XIRP2: variants seen among roughly 807,000 people sequenced by gnomAD.
XIRP2 encodes xin actin binding repeat containing 2, also known as xin actin-binding repeat-containing protein 2.
XIRP2 carries 236 observed loss-of-function variants against 277.0 expected under a neutral mutation model. That is an observed-to-expected ratio of 0.85 (90% CI 0.77 to 0.95). XIRP2 has a LOEUF of 0.95. Ranked by LOEUF, XIRP2 falls within the 40% of genes least tolerant of loss-of-function variation. The pLI, the probability that XIRP2 is intolerant of heterozygous loss-of-function variation, is 0.00. For synonymous variants in XIRP2, 1,490 were observed against 1,416.5 expected (o/e 1.05, Z -1.17); for missense variants, 4,640 against 4,157.5 (o/e 1.12, Z -3.19).
chr2:167,202,303 C>T (rs1013558554), intron 3 of XIRP2, among the ~76,000 whole-genome samples: 8 of 152,112 alleles, frequency 5.3e-5, no homozygotes, highest in Non-Finnish European at 1.0e-4. Context: ...ATTAGATTTT[C>T]GTATATGCCC....
intron 3 of XIRP2, among the ~76,000 whole-genome samples, chr2:167,189,945 G>T (rs907695330): frequency 6.6e-6 from 1 of 152,140 alleles, no homozygotes; most frequent in Non-Finnish European, 1.5e-5. Context: ...TAGTGATTAA[G>T]GGGTCCCCAC....
chr2:167,198,863 T>C (rs1285782982), intron 3 of XIRP2, among the ~76,000 whole-genome samples: 2 of 152,198 alleles, frequency 1.3e-5, no homozygotes, highest in Non-Finnish European at 2.9e-5. Context: ...ATTCTATCAG[T>C]CATTAAGTTC....
At chr2:166,908,175 T>C (rs2105341955) in intron 2 of XIRP2, among the ~76,000 whole-genome samples, 1 of 152,304 alleles carries the variant, frequency 6.6e-6, no homozygotes, top group South Asian at 2.1e-4. Flanking sequence ...TTCTAGATCC[T>C]TGAGGAATTG....
chr2:167,213,260 T>A (rs748970999), intron 4 of XIRP2, among the ~76,000 whole-genome samples: 8 of 152,162 alleles, frequency 5.3e-5, no homozygotes, highest in Non-Finnish European at 1.2e-4. Flanking sequence ...TCCCTTTACC[T>A]TTTTTAATAC....
At position 167,243,079 on chromosome 2, in the gene XIRP2, T is replaced by C; in HGVS notation, c.1687T>C (p.Tyr563His). ...AAAAGATCTGAACTCAGAAAGAGAA[T>C]ACTTGGAATGGGATGAAATTCTGAA... ...SQKDLNSERE[Y>H]LEWDEILKGE... Residue 563 changes from tyrosine to histidine, a missense_variant, in exon 9 of 11, where the codon TAC becomes CAC. Transcript: ENST00000409195. The C allele has an allele frequency of 6.2e-7, 1 of 1,614,066 alleles. No individual in the cohort carries two copies. Among genetic ancestry groups the C allele is most frequent in the Non-Finnish European group, 8.5e-7 (1 of 1,179,968 alleles).
intron 10 of XIRP2, among the ~76,000 whole-genome samples, chr2:167,256,669 C>T (rs1048705085): frequency 6.6e-6 from 1 of 151,700 alleles, no homozygotes; most frequent in South Asian, 2.1e-4. Flanking sequence ...ATATTATTTA[C>T]CTTGGTACAT....
intron 10 of XIRP2, among the ~76,000 whole-genome samples, chr2:167,255,543 C>T (rs533244943): frequency 6.1e-4 from 92 of 151,944 alleles, no homozygotes; most frequent in African/African-American, 2.2e-3. Context: ...ATTCCCATAG[C>T]AAGTATCATC....
intron 2 of XIRP2, among the ~76,000 whole-genome samples, chr2:166,988,414 A>C (rs1687072351): frequency 6.6e-6 from 1 of 152,108 alleles, no homozygotes; most frequent in Admixed American, 6.6e-5. Context: ...TCTGAATTTG[A>C]TCCTGGGCCA....
At chr2:166,944,124 T>C (rs558762816) in intron 2 of XIRP2, among the ~76,000 whole-genome samples, 1 of 152,316 alleles carries the variant, frequency 6.6e-6, no homozygotes, top group African/African-American at 2.4e-5. Flanking sequence ...CTAAGCCAGA[T>C]GTTTGTCTTT....
In XIRP2 at chr2:167,131,849, T is replaced by A. The variant is rs556364740; in HGVS notation, c.409-4060T>A. 3.3e-5 allele frequency among the ~76,000 whole-genome samples: 5 copies of A among 152,312 alleles called. No homozygotes were observed. The South Asian group carries it at 6.2e-4, about 19-fold the overall frequency. The stretch of plus-strand genomic sequence containing the variant: ...CAGGGCTACACATCCAACTGCCTTT[T>A]GGACATCTTGCTACCCAACTCATGA... On this transcript the variant is annotated intron_variant, in intron 2 of 10. Coordinates refer to ENST00000409195, the MANE Select transcript of XIRP2 (RefSeq NM_152381.6).
At chr2:167,199,491 A>G (rs1006473854) in intron 3 of XIRP2, among the ~76,000 whole-genome samples, 7 of 152,228 alleles carry the variant, frequency 4.6e-5, no homozygotes, top group Non-Finnish European at 7.3e-5. Flanking sequence ...TACAAAGCCT[A>G]TGAAAGAAAG....
chr2:166,956,669 G>A (rs536492321), intron 2 of XIRP2, among the ~76,000 whole-genome samples: 6 of 151,904 alleles, frequency 3.9e-5, no homozygotes, highest in East Asian at 1.9e-4. Flanking sequence ...TCTTAACCAC[G>A]TAGCTTTGAT....
At chr2:167,133,352 T>G in intron 2 of XIRP2, among the ~76,000 whole-genome samples, 1 of 152,306 alleles carries the variant, frequency 6.6e-6, no homozygotes, top group Non-Finnish European at 1.5e-5. Context: ...TCCTTACCCC[T>G]TGCCAGGCCC....
At chr2:167,058,713 C>G (rs1041747531) in intron 2 of XIRP2, among the ~76,000 whole-genome samples, 2 of 152,128 alleles carry the variant, frequency 1.3e-5, no homozygotes, top group African/African-American at 4.8e-5. Context: ...TATGAAAACA[C>G]GTAATATGCT....
intron 2 of XIRP2, among the ~76,000 whole-genome samples, chr2:166,934,647 A>G (rs1685440980): frequency 1.3e-5 from 2 of 152,204 alleles, no homozygotes; most frequent in Admixed American, 1.3e-4. Context: ...AAACATAAAC[A>G]TTAATTTAGT....
rs1169144009 is a variant in XIRP2 at position 167,249,874 on chromosome 2, A to G, written c.8482A>G (p.Ile2828Val). The G allele has an allele frequency of 1.2e-6, 2 of 1,613,484 alleles. No homozygotes were observed. The highest frequency in any genetic ancestry group is 1.3e-5 in the African/African-American group (1 of 74,852). ...AGAAAAAAATCAGGGACCATCAATG[A>G]TTGGTCGAAAAGAAGAGAGATTAAT... is the stretch of plus-strand genomic sequence containing the variant. Reference protein sequence around the residue: ...SEEKNQGPSMIGRKEERLITE... With the variant: ...SEEKNQGPSMVGRKEERLITE... The change falls in exon 9 of 11, where the codon ATT (isoleucine) becomes GTT (valine). Residue 2828 changes from isoleucine to valine, a missense_variant. Physicochemically the swap from Ile to Val is conservative, Grantham distance 29. Coordinates refer to ENST00000409195, the MANE Select transcript of XIRP2 (RefSeq NM_152381.6).
chr2:167,028,081 A>G (rs1009893751), intron 2 of XIRP2, among the ~76,000 whole-genome samples: 1 of 152,246 alleles, frequency 6.6e-6, no homozygotes, highest in Admixed American at 6.6e-5. Flanking sequence ...AGCATATTTA[A>G]CATTATGATC....
intron 5 of XIRP2, among the ~76,000 whole-genome samples, chr2:167,228,511 T>C (rs1396347339): frequency 1.3e-5 from 2 of 152,126 alleles, no homozygotes; most frequent in Admixed American, 1.3e-4. Flanking sequence ...GGGGAAATGG[T>C]GCAGTCTGTA....
intron 2 of XIRP2, among the ~76,000 whole-genome samples, chr2:167,010,597 T>C (rs1016297937): frequency 4.6e-5 from 7 of 152,200 alleles, no homozygotes; most frequent in Non-Finnish European, 8.8e-5. Flanking sequence ...TTTTTTCCAA[T>C]TCTGTGAAGA....
Sources: allele counts gnomAD v4.1 joint callset (sites outside exome capture counted in the v4.1 genomes callset), GRCh38; gene constraint gnomAD v4.1.1; transcripts MANE v1.5; gene names NCBI Gene and HGNC (gene_info 2026-07-23, HGNC 2026-07-21).